GAP43: variants seen among roughly 807,000 people sequenced by gnomAD.
GAP43 encodes neuromodulin.
A neutral mutation model predicts 18.6 loss-of-function variants in GAP43; 6 were observed. That is an observed-to-expected ratio of 0.32 (90% CI 0.18 to 0.64). GAP43 has a LOEUF of 0.64. Among genes scored for constraint, GAP43 ranks in the 30% least tolerant of loss-of-function variants. The pLI, the probability that GAP43 is intolerant of heterozygous loss-of-function variation, is 0.78. For missense variants in GAP43, 292 were observed against 295.5 expected (o/e 0.99, Z 0.09); for synonymous variants, 115 against 111.4 (o/e 1.03, Z -0.20).
chr3:115,638,419 G>T (rs1708356272), intron 1 of GAP43, among the ~76,000 whole-genome samples: 2 of 151,800 alleles, frequency 1.3e-5, no homozygotes, highest in South Asian at 2.1e-4. Flanking sequence ...TGCATGTGTT[G>T]CTCCCTGTGC....
At chr3:115,696,428 T>C (rs1709190540) in intron 2 of GAP43, among the ~76,000 whole-genome samples, 1 of 152,010 alleles carries the variant, frequency 6.6e-6, no homozygotes, top group Non-Finnish European at 1.5e-5. Flanking sequence ...CTAGCACCCA[T>C]CTCACTTCAG....
chr3:115,707,912 C>T (rs887519226), intron 2 of GAP43, among the ~76,000 whole-genome samples: 1 of 151,948 alleles, frequency 6.6e-6, no homozygotes, highest in Admixed American at 6.6e-5. Context: ...AGGTTTTCTT[C>T]CCGAGGTAAT....
intron 2 of GAP43, among the ~76,000 whole-genome samples, chr3:115,682,920 CCATT>C (rs1708974463): frequency 6.6e-6 from 1 of 152,022 alleles, no homozygotes; most frequent in Admixed American, 6.6e-5. Context: ...ATTGTTGAGG[CCATT>C]CATTCATTCT....
chr3:115,645,949 G>C (rs1708453379), intron 1 of GAP43, among the ~76,000 whole-genome samples: 1 of 151,668 alleles, frequency 6.6e-6, no homozygotes, highest in Non-Finnish European at 1.5e-5. Context: ...TTCTAGTTTG[G>C]GTTTAAGATA....
chr3:115,633,506 T>A (rs1042649956), intron 1 of GAP43, among the ~76,000 whole-genome samples: 1 of 152,166 alleles, frequency 6.6e-6, no homozygotes, highest in African/African-American at 2.4e-5. Flanking sequence ...ATCTCAAGTG[T>A]GGTGGACTAT....
chr3:115,675,602 T>C (rs1056644868), intron 1 of GAP43, among the ~76,000 whole-genome samples: 1 of 151,648 alleles, frequency 6.6e-6, no homozygotes, highest in Non-Finnish European at 1.5e-5. Flanking sequence ...CTCTACAAAA[T>C]ACAAAACTTA....
intron 2 of GAP43, among the ~76,000 whole-genome samples, chr3:115,679,458 C>T (rs879305659): frequency 2.0e-5 from 3 of 152,164 alleles, no homozygotes; most frequent in African/African-American, 7.2e-5. Context: ...CCCTAGTTTG[C>T]CACGCTGCCT....
intron 1 of GAP43, among the ~76,000 whole-genome samples, chr3:115,654,144 C>T (rs1471761495): frequency 6.6e-6 from 1 of 152,120 alleles, no homozygotes; most frequent in African/African-American, 2.4e-5. Context: ...AAAATACATC[C>T]ATATTTCAAT....
At chr3:115,639,713 T>C (rs1708374007) in intron 1 of GAP43, among the ~76,000 whole-genome samples, 1 of 152,048 alleles carries the variant, frequency 6.6e-6, no homozygotes, top group Non-Finnish European at 1.5e-5. Context: ...TAGTAGATTT[T>C]CCTAAAGGGA....
chr3:115,654,043 CT>C (rs1357541427), intron 1 of GAP43, among the ~76,000 whole-genome samples: 39 of 152,268 alleles, frequency 2.6e-4, no homozygotes, highest in African/African-American at 8.4e-4. Context: ...TTACACATTC[CT>C]TCTGTGATTG....
rs375442718 is a variant in GAP43 at position 115,627,289 on chromosome 3, A to T, written c.30+3570A>T. On this transcript the variant is annotated intron_variant, in intron 1 of 2. Coordinates refer to ENST00000305124, the MANE Select transcript of GAP43 (RefSeq NM_002045.4). Reference sequence around the variant, plus strand: ...GAGCCCTGATCTCTCCTGCTGACAGAGTCTGTGTAACTCTCTTCCCCACCC... The same window carrying T: ...GAGCCCTGATCTCTCCTGCTGACAGTGTCTGTGTAACTCTCTTCCCCACCC... 5.4e-5 allele frequency among the ~76,000 whole-genome samples: 8 copies of T among 149,050 alleles called. No homozygotes were observed. In the South Asian group the frequency reaches 1.7e-3, roughly 31 times the overall value.
intron 2 of GAP43, among the ~76,000 whole-genome samples, chr3:115,711,705 C>A (rs1234686865): frequency 6.6e-6 from 1 of 152,128 alleles, no homozygotes. Context: ...CCCTCCAACC[C>A]CCAAACAAAC....
intron 2 of GAP43, among the ~76,000 whole-genome samples, chr3:115,715,522 A>G (rs1034221318): frequency 6.6e-6 from 1 of 152,204 alleles, no homozygotes; most frequent in Non-Finnish European, 1.5e-5. Context: ...GAGGAATGTG[A>G]CTATTTACTC....
chr3:115,698,080 TAAAA>T (rs2107364288), intron 2 of GAP43, among the ~76,000 whole-genome samples: 2 of 72,718 alleles, frequency 2.8e-5, no homozygotes, highest in East Asian at 4.8e-4. Flanking sequence ...ATATAATATA[TAAAA>T]TATGTATTAT....
At chr3:115,716,280 A>C (rs764326100) in intron 2 of GAP43, among the ~76,000 whole-genome samples, 8 of 152,162 alleles carry the variant, frequency 5.3e-5, no homozygotes, top group Non-Finnish European at 7.4e-5. Flanking sequence ...GTTCCCTCTG[A>C]TATTCAGGCT....
At chr3:115,697,831 A>G (rs1039944641) in intron 2 of GAP43, among the ~76,000 whole-genome samples, 8 of 151,372 alleles carry the variant, frequency 5.3e-5, no homozygotes, top group African/African-American at 1.9e-4. Context: ...CTTATAAATT[A>G]TAGTTAACTC....
intron 2 of GAP43, among the ~76,000 whole-genome samples, chr3:115,686,853 G>T (rs547319627): frequency 3.4e-4 from 52 of 152,258 alleles, no homozygotes; most frequent in African/African-American, 1.2e-3. Context: ...AGGAAGAGTT[G>T]ACTATTTCCT....
chr3:115,693,460 C>T (rs1709140731), intron 2 of GAP43, among the ~76,000 whole-genome samples: 1 of 151,654 alleles, frequency 6.6e-6, no homozygotes, highest in Non-Finnish European at 1.5e-5. Flanking sequence ...CGGGGAGACT[C>T]TGGGACCATT....
intron 2 of GAP43, among the ~76,000 whole-genome samples, chr3:115,697,984 C>CGCGTGT (rs386356246): frequency 1.2e-3 from 136 of 110,896 alleles, no homozygotes; most frequent in Non-Finnish European, 1.4e-3. Context: ...AGTACATGTG[C>CGCGTGT]GTGTGTGTGT....
Sources: gnomAD v4.1 joint callset for allele counts (sites outside exome capture counted in the v4.1 genomes callset) on GRCh38, gnomAD v4.1.1 for gene constraint, MANE v1.5 for transcripts, NCBI Gene and HGNC (gene_info 2026-07-23, HGNC 2026-07-21) for gene names.